MADD: variants seen among roughly 807,000 people sequenced by gnomAD.
MADD encodes MAP kinase-activating death domain protein.
A neutral mutation model predicts 176.7 loss-of-function variants in MADD; 109 were observed. The ratio of observed to expected loss-of-function variants is 0.62; its 90% CI spans 0.53 to 0.72. MADD has a LOEUF of 0.72. Ranked by LOEUF, MADD falls within the 30% of genes least tolerant of loss-of-function variation. The probability of loss-of-function intolerance (pLI) is 0.00; values close to 1 mark genes in which losing one functional copy is unlikely to be tolerated. For missense variants in MADD, 1,914 were observed against 2,045.5 expected (o/e 0.94, Z 1.24); for synonymous variants, 771 against 771.3 (o/e 1.00, Z 0.01).
intron 20 of MADD, 107 bp from the exon 23 acceptor site, chr11:47,295,389 T>G (rs1343758525): frequency 1.2e-6 from 1 of 852,338 alleles, no homozygotes; most frequent in African/African-American, 1.7e-5. Flanking sequence ...TCTCTAAGGA[T>G]GATAACAGAA....
Position 47,315,217 on chromosome 11 carries a change from C to T in MADD, c.4090-3C>T, listed in dbSNP as rs1334036099. On this transcript the variant is annotated splice_region_variant and splice_polypyrimidine_tract_variant and intron_variant, in intron 26 of 32. Coordinates refer to ENST00000402192, the Ensembl canonical transcript of MADD. ...TGTCCCTAAAAAATCTCTCTTTCAT[C>T]AGAATGGACGCGATCTCTCTATCTG... The T allele has an allele frequency of 1.2e-6, 2 of 1,601,416 alleles. No homozygotes were observed. Among genetic ancestry groups the T allele is most frequent in the South Asian group, 2.2e-5 (2 of 90,760 alleles).
chr11:47,312,079 T>G (rs1385022036), intron 26 of MADD, among the ~76,000 whole-genome samples: 1 of 152,186 alleles, frequency 6.6e-6, no homozygotes, highest in Non-Finnish European at 1.5e-5. Flanking sequence ...TTTCAAATGA[T>G]TCTAAAATGT....
chr11:47,322,731 A>T (rs1056444556), intron 27 of MADD, among the ~76,000 whole-genome samples: 1 of 152,234 alleles, frequency 6.6e-6, no homozygotes, highest in Admixed American at 6.5e-5. Flanking sequence ...AGCATTGTTC[A>T]TGTGTCACTT....
chr11:47,324,690 A>C, intron 30 of MADD, 113 bp downstream of exon 33: 1 of 774,212 alleles, frequency 1.3e-6, no homozygotes, highest in Non-Finnish European at 2.2e-6. Flanking sequence ...CTGGAGCTAG[A>C]GGGAGAACTG....
chr11:47,308,747 A>G, intron 23 of MADD, 48 bp downstream of exon 25: 1 of 1,482,112 alleles, frequency 6.7e-7, no homozygotes, highest in Non-Finnish European at 9.4e-7. Flanking sequence ...AAGCTGACTC[A>G]GCCAGGGGAG....
At chr11:47,293,840 CT>C (rs780842210) in intron 19 of MADD, 42 bp from the exon 22 acceptor site, 2 of 1,332,942 alleles carry the variant, frequency 1.5e-6, no homozygotes, top group East Asian at 2.3e-5. Context: ...CAGCCTGCCC[CT>C]AGCCTTTGTG....
intron 26 of MADD, among the ~76,000 whole-genome samples, chr11:47,313,569 G>GC (rs1565518476): frequency 6.6e-6 from 1 of 151,318 alleles, no homozygotes; most frequent in African/African-American, 2.4e-5. Flanking sequence ...TAGTCAATCC[G>GC]CCCACCTTGG....
At chr11:47,270,595 G>C (rs1960549522) in intron 1 of MADD, 1 of 152,250 alleles carries the variant, frequency 6.6e-6, no homozygotes, top group African/African-American at 2.4e-5. Context: ...CTTGGCGGGT[G>C]TGCTTGTGCG....
intron 23 of MADD, 46 bp from the exon 26 acceptor site, chr11:47,308,934 C>G (rs763854397): frequency 6.4e-7 from 1 of 1,568,734 alleles, no homozygotes; most frequent in Admixed American, 1.7e-5. Flanking sequence ...GTCTTCCTTT[C>G]TTTCCTTTCT....
exon 22 of MADD, chr11:47,295,950 T>C (rs775980540): frequency 6.8e-6 from 11 of 1,613,958 alleles, no homozygotes; most frequent in African/African-American, 1.3e-5. Context: ...TGAGCAGCAA[T>C]GCAGGTGATG....
chr11:47,309,170 C>T, intron 23 of MADD, 111 bp from the exon 27 acceptor site: 3 of 1,551,530 alleles, frequency 1.9e-6, no homozygotes, highest in Non-Finnish European at 2.6e-6. Context: ...TTTCCTTTGC[C>T]CTGGAATTTG....
intron 22 of MADD, among the ~76,000 whole-genome samples, chr11:47,297,723 G>T (rs1242985931): frequency 1.3e-5 from 2 of 151,700 alleles, no homozygotes; most frequent in East Asian, 3.9e-4. Flanking sequence ...TGGGATTACA[G>T]GCGTGAGCCA....
rs1364132058 is a variant in MADD, at chr11:47,283,991, G to A, written c.1863-187G>A. The stretch of plus-strand genomic sequence containing the variant: ...CCAAAGTGCTTGGATTACAGGCATG[G>A]GCCACTGTCCCGGCCCCCATATCAG... On this transcript the variant is annotated intron_variant, in intron 10 of 32. Coordinates refer to ENST00000402192, the Ensembl canonical transcript of MADD. 2.0e-5 allele frequency among the ~76,000 whole-genome samples: 3 copies of A among 152,342 alleles called. No homozygotes were observed. The East Asian group carries it at 5.8e-4, about 29-fold the overall frequency.
At chr11:47,274,115 C>T (rs2047549213) in intron 2 of MADD, 139 bp downstream of exon 2, 8 of 796,666 alleles carry the variant, frequency 1.0e-5, no homozygotes, top group Non-Finnish European at 1.6e-5. Flanking sequence ...GCATCGAAGC[C>T]AGTAGGGAAA....
exon 3 of MADD, chr11:47,274,881 C>T: frequency 6.2e-7 from 1 of 1,614,106 alleles, no homozygotes; most frequent in Non-Finnish European, 8.5e-7. Context: ...CCACCTGTGC[C>T]TCAGAAGAGG....
At position 47,282,638 on chromosome 11, in the gene MADD, T is replaced by C. The variant is rs1376964812; in HGVS notation, c.1705+22T>C. The C allele has an allele frequency of 5.6e-6, 9 of 1,611,544 alleles. No individual in the cohort carries two copies. In the East Asian group the frequency reaches 2.0e-4, roughly 36 times the overall value. ...AACAGTGAGTCTACCTGCCCTCTGCTCCGCTCTGCCTTGTGCCTCTGTCCT... is the reference window on the plus strand; with the variant it reads ...AACAGTGAGTCTACCTGCCCTCTGCCCCGCTCTGCCTTGTGCCTCTGTCCT... On this transcript the variant is annotated intron_variant, in intron 9 of 32. Coordinates refer to ENST00000402192, the Ensembl canonical transcript of MADD.
At chr11:47,285,345 G>C in intron 13 of MADD, 106 bp from the exon 14 acceptor site, 1 of 1,560,244 alleles carries the variant, frequency 6.4e-7, no homozygotes, top group Admixed American at 1.7e-5. Context: ...AGGGGCTTAG[G>C]AATTACGGGA....
At chr11:47,293,491 CAG>C (rs2067275452) in intron 19 of MADD, among the ~76,000 whole-genome samples, 1 of 151,904 alleles carries the variant, frequency 6.6e-6, no homozygotes, top group East Asian at 1.9e-4. Context: ...TTGGTAGAGA[CAG>C]GGTTTCATCA....
intron 12 of MADD, 70 bp from the exon 13 acceptor site, chr11:47,284,871 G>T (rs2059523003): frequency 1.3e-6 from 2 of 1,588,380 alleles, no homozygotes; most frequent in African/African-American, 1.3e-5. Context: ...GTCCAGCCCT[G>T]CCAAACTGGG....
Sources: gnomAD v4.1 joint callset for allele counts (sites outside exome capture counted in the v4.1 genomes callset) on GRCh38, gnomAD v4.1.1 for gene constraint, MANE v1.5 for transcripts, NCBI Gene and HGNC (gene_info 2026-07-23, HGNC 2026-07-21) for gene names.